The following PTK2 variants were observed in gnomAD, a reference collection of about 807,000 sequenced individuals.
PTK2 encodes the protein protein tyrosine kinase 2, also known as focal adhesion kinase 1.
PTK2 carries 45 observed loss-of-function variants against 150.1 expected under a neutral mutation model. That is an observed-to-expected ratio of 0.30 (90% CI 0.24 to 0.38). PTK2 has a LOEUF of 0.38. Ranked by LOEUF, PTK2 falls within the 10% of genes least tolerant of loss-of-function variation. The probability of loss-of-function intolerance (pLI) is 1.00; values close to 1 mark genes in which losing one functional copy is unlikely to be tolerated. For missense variants in PTK2, 919 were observed against 1,307.3 expected, an observed-to-expected ratio of 0.70 and a Z score of 4.58; for synonymous variants, 432 against 449.2, an observed-to-expected ratio of 0.96 and a Z score of 0.48.
intron 17 of PTK2, among the ~76,000 whole-genome samples, chr8:140,751,277 T>C (rs1327618026): frequency 1.3e-5 from 2 of 152,224 alleles, no homozygotes; most frequent in South Asian, 2.1e-4. Flanking sequence ...CAAGTGATCC[T>C]CCCATCTCAG....
In PTK2 at chr8:140,981,049, C is replaced by T. The variant is rs369631006; in HGVS notation, c.-122+20076G>A. On this transcript the variant is annotated intron_variant, in intron 1 of 31. Transcript: ENST00000522684. Reference sequence around the variant, plus strand: ...TGCTGGGATTACAGGCATGAGCCACCGCACCCAGCCTCTAAAGCTTTTTAA... The same window carrying T: ...TGCTGGGATTACAGGCATGAGCCACTGCACCCAGCCTCTAAAGCTTTTTAA... 5.4e-5 allele frequency among the ~76,000 whole-genome samples: 8 copies of T among 149,344 alleles called. No individual in the cohort carries two copies. The East Asian group carries it at 5.9e-4, about 11-fold the overall frequency.
intron 2 of PTK2, among the ~76,000 whole-genome samples, chr8:140,924,154 G>A (rs372278124): frequency 8.5e-5 from 13 of 152,086 alleles, no homozygotes; most frequent in Admixed American, 2.0e-4. Flanking sequence ...CCCTGCCCAC[G>A]TCAGGGACTC....
At chr8:140,702,444 CTG>C in intron 25 of PTK2, 124 bp downstream of exon 28, 1 of 1,254,640 alleles carries the variant, frequency 8.0e-7, no homozygotes, top group Admixed American at 2.2e-5. Flanking sequence ...GTTTCAAACT[CTG>C]GGGCTCAAGC....
intron 2 of PTK2, among the ~76,000 whole-genome samples, chr8:140,910,722 T>C (rs1041507102): frequency 2.0e-5 from 3 of 152,182 alleles, no homozygotes; most frequent in African/African-American, 4.8e-5. Context: ...CCCAGCTCTA[T>C]AGTCACATGA....
chr8:140,949,310 G>T (rs1440965787), intron 1 of PTK2, among the ~76,000 whole-genome samples: 1 of 152,184 alleles, frequency 6.6e-6, no homozygotes, highest in Non-Finnish European at 1.5e-5. Flanking sequence ...AGTCTGGAGG[G>T]GCTGCTGCCA....
intron 1 of PTK2, among the ~76,000 whole-genome samples, chr8:140,937,388 A>G (rs1224008795): frequency 6.6e-6 from 1 of 152,144 alleles, no homozygotes; most frequent in Non-Finnish European, 1.5e-5. Flanking sequence ...TCTATATAAA[A>G]TGGACTTAAA....
chr8:140,776,919 A>C (rs1164132142), intron 14 of PTK2, among the ~76,000 whole-genome samples: 1 of 152,224 alleles, frequency 6.6e-6, no homozygotes, highest in Non-Finnish European at 1.5e-5. Flanking sequence ...ATAATGAGTG[A>C]AGTAGGAAGA....
intron 2 of PTK2, among the ~76,000 whole-genome samples, chr8:140,895,818 G>T (rs775523330): frequency 6.6e-6 from 1 of 151,924 alleles, no homozygotes; most frequent in Non-Finnish European, 1.5e-5. Context: ...ATATCAAAAC[G>T]TCTCATGTAC....
At chr8:140,779,766 T>C (rs1004321617) in intron 14 of PTK2, among the ~76,000 whole-genome samples, 2 of 152,186 alleles carry the variant, frequency 1.3e-5, no homozygotes, top group Non-Finnish European at 2.9e-5. Context: ...TTAGTCCAAC[T>C]GGATCAGCAT....
At chr8:140,677,591 A>C (rs1360015690) in intron 27 of PTK2, among the ~76,000 whole-genome samples, 1 of 152,368 alleles carries the variant, frequency 6.6e-6, no homozygotes, top group East Asian at 1.9e-4. Context: ...TTTACTTTCT[A>C]TTGAAAAGAG....
chr8:140,751,846 A>G (rs1298091866), intron 17 of PTK2: 2 of 505,536 alleles, frequency 4.0e-6, no homozygotes, highest in Non-Finnish European at 7.8e-6. Context: ...ATAGAGCCCT[A>G]TTCCTTCACT....
At chr8:140,792,683 A>G (rs2100089190) in intron 13 of PTK2, among the ~76,000 whole-genome samples, 2 of 152,180 alleles carry the variant, frequency 1.3e-5, no homozygotes, top group Admixed American at 1.3e-4. Context: ...CTGGCTATGG[A>G]GAAGAAGGAG....
intron 14 of PTK2, among the ~76,000 whole-genome samples, chr8:140,788,060 A>G (rs980422976): frequency 2.0e-5 from 3 of 152,086 alleles, no homozygotes; most frequent in Non-Finnish European, 2.9e-5. Context: ...CAGACTGAAC[A>G]AATGCAAATG....
chr8:140,943,090 C>T (rs556905204), intron 1 of PTK2, among the ~76,000 whole-genome samples: 112 of 152,164 alleles, frequency 7.4e-4, no homozygotes, highest in African/African-American at 2.3e-3. Flanking sequence ...AACAGTGAGC[C>T]GATTAAACCT....
chr8:140,894,020 T>C (rs1349047463), intron 2 of PTK2, among the ~76,000 whole-genome samples: 1 of 152,202 alleles, frequency 6.6e-6, no homozygotes. Flanking sequence ...AAAGATATAC[T>C]GTTACCAACT....
intron 16 of PTK2, among the ~76,000 whole-genome samples, chr8:140,759,856 C>G (rs1024660856): frequency 2.0e-5 from 3 of 151,390 alleles, no homozygotes; most frequent in Non-Finnish European, 4.4e-5. Context: ...CCCACACACA[C>G]ACACACACAC....
intron 1 of PTK2, among the ~76,000 whole-genome samples, chr8:140,977,601 G>A (rs1205542019): frequency 3.5e-5 from 5 of 141,810 alleles, no homozygotes; most frequent in African/African-American, 5.1e-5. Flanking sequence ...CAGCCTGGGC[G>A]ACAGAGCAAG....
At chr8:140,701,849 G>A (rs1484286673) in intron 25 of PTK2, among the ~76,000 whole-genome samples, 4 of 152,120 alleles carry the variant, frequency 2.6e-5, no homozygotes, top group Admixed American at 1.3e-4. Flanking sequence ...AAATATGACC[G>A]GGTGTGGTGG....
chr8:140,830,897 A>C (rs978115258), intron 7 of PTK2, among the ~76,000 whole-genome samples: 5 of 152,158 alleles, frequency 3.3e-5, no homozygotes, highest in Non-Finnish European at 7.3e-5. Flanking sequence ...ACTGGGTAAT[A>C]CTGTATTTGT....
Sources: gnomAD v4.1 joint callset for allele counts (sites outside exome capture counted in the v4.1 genomes callset) on GRCh38, gnomAD v4.1.1 for gene constraint, MANE v1.5 for transcripts, NCBI Gene and HGNC (gene_info 2026-07-23, HGNC 2026-07-21) for gene names.